The following XYLT1 variants were observed in gnomAD, a reference collection of about 807,000 sequenced individuals.
The protein encoded by XYLT1 is xylosyltransferase 1.
Under a neutral mutation model 91.3 loss-of-function variants are expected in XYLT1, and 36 were observed. The observed-to-expected ratio is 0.39, with a 90% CI of 0.30 to 0.52. The LOEUF (loss-of-function observed/expected upper bound fraction) is 0.52. XYLT1 is among the 20% of genes least tolerant of loss of function. The pLI is 0.68. For synonymous variants in XYLT1, 588 were observed against 532.0 expected (o/e 1.11, Z -1.45); for missense variants, 1,242 against 1,284.5 (o/e 0.97, Z 0.51).
intron 2 of XYLT1, among the ~76,000 whole-genome samples, chr16:17,316,972 G>A (rs564255395): frequency 6.7e-4 from 101 of 151,668 alleles, no homozygotes; most frequent in African/African-American, 5.6e-4. Context: ...ACAGGCGCCC[G>A]CCACCTCGCC....
chr16:17,111,971 T>C (rs539146288), intron 11 of XYLT1, among the ~76,000 whole-genome samples: 1 of 152,232 alleles, frequency 6.6e-6, no homozygotes, highest in South Asian at 2.1e-4. Context: ...CGGGCCCTAA[T>C]TTCTCTATCA....
chr16:17,446,787 C>G (rs2036597080), intron 1 of XYLT1, among the ~76,000 whole-genome samples: 1 of 152,186 alleles, frequency 6.6e-6, no homozygotes, highest in Admixed American at 6.5e-5. Flanking sequence ...GGAGACTCAA[C>G]CAACCCTCAG....
intron 2 of XYLT1, among the ~76,000 whole-genome samples, chr16:17,284,392 A>G (rs1445015143): frequency 6.6e-6 from 1 of 152,216 alleles, no homozygotes; most frequent in Non-Finnish European, 1.5e-5. Context: ...AATGGAACTT[A>G]CATTCTACAG....
intron 2 of XYLT1, among the ~76,000 whole-genome samples, chr16:17,318,977 A>C (rs946938246): frequency 4.4e-4 from 67 of 152,114 alleles, no homozygotes; most frequent in African/African-American, 1.6e-3. Flanking sequence ...TAGTAGAGAC[A>C]GGGTTTCACC....
intron 10 of XYLT1, among the ~76,000 whole-genome samples, chr16:17,126,718 A>C (rs2030273278): frequency 6.6e-6 from 1 of 152,198 alleles, no homozygotes; most frequent in Admixed American, 6.5e-5. Flanking sequence ...GCACTTAGGG[A>C]TGTGAGGAAG....
intron 2 of XYLT1, among the ~76,000 whole-genome samples, chr16:17,288,838 A>G (rs2034178864): frequency 6.6e-6 from 1 of 152,220 alleles, no homozygotes; most frequent in South Asian, 2.1e-4. Flanking sequence ...GACCAGAAGA[A>G]CCATCTAGCT....
intron 11 of XYLT1, among the ~76,000 whole-genome samples, chr16:17,109,478 GAAC>G (rs924269812): frequency 3.3e-5 from 5 of 152,128 alleles, no homozygotes; most frequent in African/African-American, 1.2e-4. Flanking sequence ...AGTGGAGGGA[GAAC>G]AACAACAAAG....
chr16:17,124,892 C>G (rs1489637419), intron 10 of XYLT1, among the ~76,000 whole-genome samples: 1 of 152,190 alleles, frequency 6.6e-6, no homozygotes, highest in African/African-American at 2.4e-5. Flanking sequence ...ATTGCTGAGA[C>G]TTTCCAGTGC....
chr16:17,137,921 C>CAATGGCAAGAGTTCTGAGGTTG (rs1203684007), intron 8 of XYLT1, among the ~76,000 whole-genome samples: 4 of 152,148 alleles, frequency 2.6e-5, no homozygotes, highest in African/African-American at 9.7e-5. Context: ...CATCCAGCCA[C>CAATGGCAAGAGTTCTGAGGTTG]AATGGCAAGA....
chr16:17,357,770 C>A (rs1423097297), intron 2 of XYLT1, among the ~76,000 whole-genome samples: 1 of 152,338 alleles, frequency 6.6e-6, no homozygotes, highest in South Asian at 2.1e-4. Context: ...ATGGTTCTCG[C>A]CACAGGTGGG....
chr16:17,222,317 G>A (rs1370619892), intron 3 of XYLT1, among the ~76,000 whole-genome samples: 2 of 152,178 alleles, frequency 1.3e-5, no homozygotes, highest in Non-Finnish European at 2.9e-5. Flanking sequence ...TGTCACAACT[G>A]GAAGAAAGAA....
chr16:17,290,318 G>A (rs2034203116), intron 2 of XYLT1, among the ~76,000 whole-genome samples: 3 of 152,234 alleles, frequency 2.0e-5, no homozygotes, highest in South Asian at 2.1e-4. Context: ...AATTTTAAAA[G>A]TCTAAAGCAC....
At chr16:17,173,229 A>T (rs568791048) in intron 5 of XYLT1, among the ~76,000 whole-genome samples, 2 of 152,268 alleles carry the variant, frequency 1.3e-5, no homozygotes, top group Admixed American at 6.5e-5. Context: ...GTCAAACAGG[A>T]CGTGTAGTAG....
chr16:17,292,967 C>T (rs1296686869), intron 2 of XYLT1, among the ~76,000 whole-genome samples: 1 of 152,174 alleles, frequency 6.6e-6, no homozygotes, highest in African/African-American at 2.4e-5. Flanking sequence ...CTGGCACATG[C>T]TGGGCAGCTC....
intron 2 of XYLT1, among the ~76,000 whole-genome samples, chr16:17,298,235 C>T (rs1048886566): frequency 3.3e-5 from 5 of 152,078 alleles, no homozygotes; most frequent in African/African-American, 1.2e-4. Context: ...CGGATGGTGT[C>T]ACATCTAGTG....
At chr16:17,204,966 C>CAA (rs530525798) in intron 3 of XYLT1, among the ~76,000 whole-genome samples, 34 of 81,250 alleles carry the variant, frequency 4.2e-4, no homozygotes, top group East Asian at 1.9e-3. Flanking sequence ...TGCCCAGCTC[C>CAA]AAAAAAAAAA....
chr16:17,159,566 A>C (rs1013162074), intron 5 of XYLT1, among the ~76,000 whole-genome samples: 4 of 152,194 alleles, frequency 2.6e-5, no homozygotes, highest in Non-Finnish European at 4.4e-5. Context: ...TTTGTTGAAT[A>C]AACAAATGAA....
chr16:17,293,818 T>C (rs2141801857), intron 2 of XYLT1, among the ~76,000 whole-genome samples: 1 of 152,300 alleles, frequency 6.6e-6, no homozygotes, highest in East Asian at 1.9e-4. Context: ...TCACCACTAG[T>C]GCCCAATGTT....
chr16:17,465,068 T>C (rs28563093), intron 1 of XYLT1, among the ~76,000 whole-genome samples: 141,264 of 149,340 alleles, frequency 0.95, 66,821 homozygotes, highest in East Asian at 0.99. Context: ...TGCTTGAACC[T>C]AGGAGGCGGA....
Sources: allele counts gnomAD v4.1 joint callset (sites outside exome capture counted in the v4.1 genomes callset), GRCh38; gene constraint gnomAD v4.1.1; transcripts MANE v1.5; gene names NCBI Gene and HGNC (gene_info 2026-07-23, HGNC 2026-07-21).